NEDD1: variants seen among roughly 807,000 people sequenced by gnomAD.
The protein encoded by NEDD1 is NEDD1 gamma-tubulin ring complex targeting factor.
A neutral mutation model predicts 74.0 loss-of-function variants in NEDD1; 33 were observed. The ratio of observed to expected loss-of-function variants is 0.45; its 90% CI spans 0.34 to 0.60. NEDD1 has a LOEUF of 0.60. NEDD1 is among the 20% of genes least tolerant of loss of function. The pLI, the probability that NEDD1 is intolerant of heterozygous loss-of-function variation, is 0.01. For missense variants in NEDD1, 746 were observed against 776.5 expected (o/e 0.96, Z 0.47); for synonymous variants, 250 against 264.4 (o/e 0.95, Z 0.53).
At chr12:96,946,478 C>T (rs1018812163) in intron 14 of NEDD1, among the ~76,000 whole-genome samples, 3 of 151,898 alleles carry the variant, frequency 2.0e-5, no homozygotes, top group Non-Finnish European at 2.9e-5. Context: ...TTTGGATTAC[C>T]GTAAGCAAGA....
Position 96,951,450 on chromosome 12 carries a change from C to A in NEDD1, c.1830C>A (p.Asp610Glu). 1 of 1,571,086 alleles carries A rather than the reference C, an allele frequency of 6.4e-7. No individual in the cohort carries two copies. Among genetic ancestry groups the A allele is most frequent in the Admixed American group, 1.7e-5 (1 of 58,830 alleles). The change falls in exon 15 of 16, where the codon GAC becomes GAA. Residue 610 changes from aspartate (D) to glutamate (E), a missense_variant. Physicochemically the swap from Asp to Glu is conservative, Grantham distance 45. Coordinates refer to ENST00000266742, the MANE Select transcript of NEDD1 (RefSeq NM_152905.4). Reference protein sequence around the residue: ...LDDFREACHRDIVNLQVEMIK... With the variant: ...LDDFREACHREIVNLQVEMIK... ...TTCCTAGAGAAGCATGCCATAGGGA[C>A]ATTGTGAATTTGCAAGTGGAGATGA... is the stretch of plus-strand genomic sequence containing the variant.
intron 6 of NEDD1, among the ~76,000 whole-genome samples, chr12:96,928,866 T>C (rs1224567932): frequency 6.6e-6 from 1 of 151,642 alleles, no homozygotes; most frequent in Non-Finnish European, 1.5e-5. Context: ...TTTTGTAGTT[T>C]TTGTAGTAGA....
At chr12:96,919,437 T>C (rs1204499120) in intron 5 of NEDD1, among the ~76,000 whole-genome samples, 1 of 152,198 alleles carries the variant, frequency 6.6e-6, no homozygotes, top group Non-Finnish European at 1.5e-5. Flanking sequence ...CCAGCACTAG[T>C]AGGTTCTCAG....
chr12:96,912,734 G>A lies in NEDD1; in HGVS notation c.148G>A (p.Val50Ile). 2 of 1,580,272 alleles carry A rather than the reference G, an allele frequency of 1.3e-6. No homozygotes were observed. The highest frequency in any genetic ancestry group is 1.7e-6 in the Non-Finnish European group (2 of 1,150,164). The stretch of plus-strand genomic sequence containing the variant: ...AACTCCTCATTTAGATAACTTTTTA[G>A]TAACAGCATCTTCCAGTGGCGACAA... ...ICWSSNNNFLVTASSSGDKIV... is the reference protein window; with the variant it reads ...ICWSSNNNFLITASSSGDKIV... The change falls in exon 4 of 16, where the codon GTA becomes ATA. Residue 50 changes from valine (V) to isoleucine (I), a missense_variant. Val to Ile is a conservative substitution (Grantham distance 29). Transcript: ENST00000266742.
intron 7 of NEDD1, 57 bp from the exon 8 acceptor site, chr12:96,936,554 G>A: frequency 1.7e-6 from 2 of 1,210,858 alleles, no homozygotes; most frequent in Non-Finnish European, 2.4e-6. Flanking sequence ...ACTTATATAA[G>A]CTAATATACC....
chr12:96,919,519 T>C (rs951953992), intron 5 of NEDD1, among the ~76,000 whole-genome samples: 2 of 152,208 alleles, frequency 1.3e-5, no homozygotes, highest in East Asian at 3.9e-4. Flanking sequence ...CATTTTGCAA[T>C]GTCTGGTTTC....
rs1214284326 is a variant in NEDD1 at position 96,940,465 on chromosome 12, A to G, written c.1174A>G (p.Asn392Asp). 3 of 1,605,634 alleles carry G rather than the reference A, an allele frequency of 1.9e-6. No homozygotes were observed. In the South Asian group the frequency reaches 3.3e-5, roughly 18 times the overall value. ...TLSKETDSGK[N>D]QDFSSFDDTG... ...ATCTAAGGAAACAGACAGTGGAAAA[A>G]ATCAGGATTTCTCCAGCTTTGATGA... Residue 392 changes from asparagine to aspartate, a missense_variant, in exon 10 of 16, where the codon AAT becomes GAT. Physicochemically the swap from Asn to Asp is conservative, Grantham distance 23 (BLOSUM62 1). Transcript: ENST00000266742.
intron 6 of NEDD1, among the ~76,000 whole-genome samples, chr12:96,923,244 G>A (rs1875304105): frequency 6.6e-6 from 1 of 152,116 alleles, no homozygotes; most frequent in African/African-American, 2.4e-5. Context: ...ATATGAATGG[G>A]CCACCATTTA....
chr12:96,950,055 G>GTTCT (rs1565816606), intron 14 of NEDD1, among the ~76,000 whole-genome samples: 3 of 151,930 alleles, frequency 2.0e-5, no homozygotes, highest in African/African-American at 7.2e-5. Flanking sequence ...GAAGGGATAA[G>GTTCT]AAGATACCTG....
At chr12:96,912,484 A>G (rs1874020268) in intron 3 of NEDD1, 1 of 332,736 alleles carries the variant, frequency 3.0e-6, no homozygotes, top group African/African-American at 2.1e-5. Flanking sequence ...ACGTGGGTTA[A>G]ATAGCTTTTG....
chr12:96,910,588 T>C (rs530015997), intron 3 of NEDD1, among the ~76,000 whole-genome samples: 1 of 152,296 alleles, frequency 6.6e-6, no homozygotes, highest in African/African-American at 2.4e-5. Flanking sequence ...CTATTGACTT[T>C]TTGGGGCAGA....
intron 6 of NEDD1, among the ~76,000 whole-genome samples, chr12:96,922,055 T>G (rs1334062926): frequency 6.6e-6 from 1 of 152,206 alleles, no homozygotes; most frequent in Non-Finnish European, 1.5e-5. Flanking sequence ...TAAGACTGAA[T>G]GTCACACAAA....
intron 4 of NEDD1, among the ~76,000 whole-genome samples, chr12:96,913,374 C>CT (rs544128918): frequency 0.016 from 2,320 of 145,926 alleles, 33 homozygotes; most frequent in East Asian, 0.068. Context: ...TTGCCTTATC[C>CT]TTTTTTTTTT....
At chr12:96,938,909 G>A (rs911344378) in intron 9 of NEDD1, among the ~76,000 whole-genome samples, 2 of 151,686 alleles carry the variant, frequency 1.3e-5, no homozygotes, top group African/African-American at 4.8e-5. Context: ...TGTCACTTCC[G>A]GCCAGGATGC....
In NEDD1 at chr12:96,937,246, C is replaced by T. The variant is rs1239076873; in HGVS notation, c.970C>T (p.Arg324Ter). Residue 324 changes from arginine (R) to a stop codon, truncating the protein, a stop_gained, in exon 9 of 16, where the codon CGA becomes TGA. Transcript: ENST00000266742. LOFTEE classifies it high-confidence loss of function. ...AAATAAGCCCACAACAGTGAACAAACGAAGTGTTAATGTGAATGCTGCTAG... is the reference window on the plus strand; with the variant it reads ...AAATAAGCCCACAACAGTGAACAAATGAAGTGTTAATGTGAATGCTGCTAG... Reference protein sequence around the residue: ...CSNKPTTVNKRSVNVNAASGG... With the variant: ...CSNKPTTVNK 7 of 1,611,308 alleles carry T rather than the reference C, an allele frequency of 4.3e-6. No homozygotes were observed. The highest frequency in any genetic ancestry group is 3.3e-5 in the South Asian group (3 of 90,846).
chr12:96,939,446 T>G (rs750996411), intron 9 of NEDD1, among the ~76,000 whole-genome samples: 1 of 152,082 alleles, frequency 6.6e-6, no homozygotes, highest in Admixed American at 6.6e-5. Flanking sequence ...TTTAACTTTA[T>G]AGCAGGTGTT....
chr12:96,936,696 CG>C lies in NEDD1; in HGVS notation c.810del (p.Ile272TyrfsTer6). The C allele has an allele frequency of 6.2e-7, 1 of 1,613,126 alleles. No individual in the cohort carries two copies. The highest frequency in any genetic ancestry group is 8.5e-7 in the Non-Finnish European group (1 of 1,179,240). On this transcript the variant is annotated frameshift_variant, in exon 8 of 16. Coordinates refer to ENST00000266742, the MANE Select transcript of NEDD1 (RefSeq NM_152905.4). LOFTEE classifies it high-confidence loss of function. ...AGCCACTTTGGCTATTGGATCTTCC[CG>C]GGGGAAAATATATCAATATGATTTA... ...DGATLAIGSS[R>X]GKIYQYDLRM...
chr12:96,933,665 G>GA (rs1876782515), intron 6 of NEDD1, among the ~76,000 whole-genome samples: 1 of 148,750 alleles, frequency 6.7e-6, no homozygotes, highest in Non-Finnish European at 1.5e-5. Context: ...ACTCCTTTTT[G>GA]TTTTTTTTTC....
At chr12:96,925,919 A>C (rs1455896133) in intron 6 of NEDD1, among the ~76,000 whole-genome samples, 3 of 152,170 alleles carry the variant, frequency 2.0e-5, no homozygotes, top group Admixed American at 1.3e-4. Flanking sequence ...ATTTATTTGG[A>C]GAGCACTAGG....
Sources: gnomAD v4.1 joint callset for allele counts (sites outside exome capture counted in the v4.1 genomes callset) on GRCh38, gnomAD v4.1.1 for gene constraint, MANE v1.5 for transcripts, NCBI Gene and HGNC (gene_info 2026-07-23, HGNC 2026-07-21) for gene names.